The following DOCK4 variants were observed in gnomAD, a reference collection of about 807,000 sequenced individuals.
DOCK4 encodes the protein dedicator of cytokinesis protein 4.
DOCK4 carries 97 observed loss-of-function variants against 268.1 expected under a neutral mutation model. That is an observed-to-expected ratio of 0.36 (90% CI 0.31 to 0.43). DOCK4 has a LOEUF of 0.43. Ranked by LOEUF, DOCK4 falls within the 20% of genes least tolerant of loss-of-function variation. DOCK4 has a pLI of 1.00. For missense variants in DOCK4, 2,145 were observed against 2,455.7 expected, an observed-to-expected ratio of 0.87 and a Z score of 2.67; for synonymous variants, 954 against 887.2, an observed-to-expected ratio of 1.08 and a Z score of -1.34.
At chr7:112,204,753 C>T (rs1233189595) in intron 1 of DOCK4, among the ~76,000 whole-genome samples, 2 of 151,260 alleles carry the variant, frequency 1.3e-5, no homozygotes, top group Non-Finnish European at 2.9e-5. Flanking sequence ...AAAAAAAAAA[C>T]AAAAATCCCC....
At chr7:111,855,471 G>T (rs1804925533) in intron 23 of DOCK4, among the ~76,000 whole-genome samples, 1 of 152,208 alleles carries the variant, frequency 6.6e-6, no homozygotes, top group African/African-American at 2.4e-5. Context: ...TAAGCTCAGA[G>T]AGAAAAAAGT....
chr7:111,961,241 C>T (rs1330740888), intron 8 of DOCK4, among the ~76,000 whole-genome samples: 2 of 152,214 alleles, frequency 1.3e-5, no homozygotes, highest in African/African-American at 4.8e-5. Flanking sequence ...GCATTTTACA[C>T]CCATTTCACT....
chr7:111,730,015 T>A (rs1406809779), intron 52 of DOCK4, among the ~76,000 whole-genome samples: 1 of 139,578 alleles, frequency 7.2e-6, no homozygotes, highest in Non-Finnish European at 1.6e-5. Context: ...ATTCTCTTAA[T>A]AGAGATAATC....
chr7:111,752,578 G>GTTTTTT (rs56037303), intron 42 of DOCK4, among the ~76,000 whole-genome samples: 31 of 82,210 alleles, frequency 3.8e-4, no homozygotes, highest in Non-Finnish European at 4.8e-4. Context: ...ATCAGCTTAG[G>GTTTTTT]TTTTTTTTTT....
At chr7:112,015,712 C>G (rs994460624) in intron 1 of DOCK4, among the ~76,000 whole-genome samples, 6 of 152,184 alleles carry the variant, frequency 3.9e-5, no homozygotes, top group African/African-American at 1.4e-4. Flanking sequence ...AAAAAATATA[C>G]TGTCTTAGTC....
At chr7:111,995,132 T>C (rs1051290820) in intron 4 of DOCK4, among the ~76,000 whole-genome samples, 2 of 151,620 alleles carry the variant, frequency 1.3e-5, no homozygotes, top group South Asian at 2.1e-4. Context: ...CCCAGGTTCA[T>C]GCCATTCTCC....
chr7:111,838,359 A>G (rs1221006452), intron 25 of DOCK4, among the ~76,000 whole-genome samples: 1 of 152,206 alleles, frequency 6.6e-6, no homozygotes. Flanking sequence ...GTCAAAACAG[A>G]AAAACAGGTA....
At chr7:111,757,814 T>C (rs10277630) in intron 41 of DOCK4, among the ~76,000 whole-genome samples, 13 of 152,202 alleles carry the variant, frequency 8.5e-5, no homozygotes, top group Non-Finnish European at 1.6e-4. Context: ...ACATCTGTGA[T>C]GAAAAATGCT....
chr7:111,911,857 G>A (rs1792132428), intron 13 of DOCK4, among the ~76,000 whole-genome samples: 1 of 151,926 alleles, frequency 6.6e-6, no homozygotes. Context: ...CTTCCCAGTG[G>A]GATGAATTTT....
chr7:111,772,218 T>C (rs536460216), intron 36 of DOCK4, among the ~76,000 whole-genome samples: 1 of 151,990 alleles, frequency 6.6e-6, no homozygotes, highest in East Asian at 1.9e-4. Flanking sequence ...AGATCAGCCT[T>C]GGTAACACAG....
intron 7 of DOCK4, 34 bp downstream of exon 7, chr7:111,984,272 A>G: frequency 5.1e-6 from 8 of 1,574,388 alleles, no homozygotes; most frequent in Non-Finnish European, 6.9e-6. Flanking sequence ...GAAAATTAGC[A>G]GGAAGACTGG....
intron 13 of DOCK4, among the ~76,000 whole-genome samples, chr7:111,909,817 TG>T (rs1397112449): frequency 6.6e-6 from 1 of 151,922 alleles, no homozygotes; most frequent in Non-Finnish European, 1.5e-5. Context: ...AAAAATTAGC[TG>T]GGTGTGGTGA....
At chr7:112,121,061 G>T (rs1812683419) in intron 1 of DOCK4, among the ~76,000 whole-genome samples, 1 of 152,076 alleles carries the variant, frequency 6.6e-6, no homozygotes, top group South Asian at 2.1e-4. Context: ...TTAACTAGCA[G>T]GTGTCACTTT....
At chr7:112,131,239 G>A (rs1291858505) in intron 1 of DOCK4, among the ~76,000 whole-genome samples, 5 of 152,110 alleles carry the variant, frequency 3.3e-5, no homozygotes, top group African/African-American at 4.8e-5. Context: ...TTTTAAAAGC[G>A]CTGTGGCCCA....
chr7:112,084,934 C>T (rs1004103940), intron 1 of DOCK4, among the ~76,000 whole-genome samples: 1 of 151,962 alleles, frequency 6.6e-6, no homozygotes, highest in African/African-American at 2.4e-5. Flanking sequence ...AATGAAAAAA[C>T]TAAAACATAC....
intron 1 of DOCK4, among the ~76,000 whole-genome samples, chr7:112,166,817 A>G (rs1181271905): frequency 6.6e-6 from 1 of 152,002 alleles, no homozygotes; most frequent in Non-Finnish European, 1.5e-5. Flanking sequence ...TCTGATAACT[A>G]TATCTGTTTT....
intron 1 of DOCK4, among the ~76,000 whole-genome samples, chr7:112,006,233 C>T (rs1010806163): frequency 6.6e-6 from 1 of 152,174 alleles, no homozygotes; most frequent in African/African-American, 2.4e-5. Flanking sequence ...TAAATCATCA[C>T]TGGGTGAGTG....
rs1794661430 is a variant in DOCK4 at position 111,726,527 on chromosome 7, A to T, written c.*1747T>A. 6.6e-6 allele frequency: 1 copy of T among 152,480 alleles called. No individual in the cohort carries two copies. 9.4% of individuals were successfully genotyped at this position (152,480 alleles called of 1,614,324 possible). A position where few individuals can be genotyped will look rare whatever the true frequency, so the allele number is the denominator to read the frequency against. On this transcript the variant is annotated 3_prime_UTR_variant, in exon 53 of 53. Coordinates refer to ENST00000428084, the MANE Select transcript of DOCK4 (RefSeq NM_001363540.2). ...TCAAAAGCAAAAGCTAGTTCAAAAA[A>T]TTTCTGACTGCAAAACTTGCAAGAT...
In DOCK4 at chr7:111,961,068, T is replaced by C. The variant is rs571871975; in HGVS notation, c.702-15270A>G. ...CGGGGGTTGGATTGCTGGATCCCTA[T>C]CACACGTTTGCTCCACGTCTGCTTG... On this transcript the variant is annotated intron_variant, in intron 8 of 52. Transcript: ENST00000428084. Among the ~76,000 whole-genome samples the C allele has an allele frequency of 5.9e-5, 9 of 152,226 alleles. No homozygotes were observed. The South Asian group carries it at 1.9e-3, about 32-fold the overall frequency.
Sources: allele counts gnomAD v4.1 joint callset (sites outside exome capture counted in the v4.1 genomes callset), GRCh38; gene constraint gnomAD v4.1.1; transcripts MANE v1.5; gene names NCBI Gene and HGNC (gene_info 2026-07-23, HGNC 2026-07-21).